SLC71A1: variants seen among roughly 807,000 people sequenced by gnomAD.
SLC71A1 encodes the protein solute carrier family 71 member 1.
At chr1:100,062,408 ACT>A in the SLC71A1 span, among the ~76,000 whole-genome samples, 2 of 152,080 alleles carry the variant, frequency 1.3e-5, no homozygotes, top group Non-Finnish European at 2.9e-5. Flanking sequence ...ATGTTTATAA[ACT>A]CTTTAAAAAT....
the SLC71A1 span, chr1:100,069,705 T>A: frequency 1.3e-6 from 2 of 1,524,792 alleles, no homozygotes. Flanking sequence ...TTTTTTTAGT[T>A]AGAGTGATGT....
At chr1:100,068,130 C>T in the SLC71A1 span, 9 of 1,614,018 alleles carry the variant, frequency 5.6e-6, no homozygotes, top group Admixed American at 3.3e-5. Context: ...AGAGTCGTTG[C>T]CTGAGAAAAT....
chr1:100,039,207 A>G, the SLC71A1 span, among the ~76,000 whole-genome samples: 2 of 152,240 alleles, frequency 1.3e-5, no homozygotes, highest in Non-Finnish European at 2.9e-5. Context: ...TCTTTGTTGC[A>G]TCCGCTGATA....
the SLC71A1 span, chr1:100,050,128 C>T: frequency 1.7e-6 from 1 of 577,242 alleles, no homozygotes; most frequent in Non-Finnish European, 3.1e-6. Flanking sequence ...TCAGTATTCA[C>T]CAGTATTTTA....
chr1:100,081,493 C>T, the SLC71A1 span, among the ~76,000 whole-genome samples: 1 of 152,144 alleles, frequency 6.6e-6, no homozygotes, highest in Non-Finnish European at 1.5e-5. Flanking sequence ...TAACATCAGC[C>T]TCCCGGGTAG....
At chr1:100,057,678 G>A in the SLC71A1 span, among the ~76,000 whole-genome samples, 2 of 152,042 alleles carry the variant, frequency 1.3e-5, no homozygotes, top group Non-Finnish European at 2.9e-5. Context: ...TACTTACAAT[G>A]AGCACATTTT....
chr1:100,080,567 A>T, the SLC71A1 span: 1 of 1,614,030 alleles, frequency 6.2e-7, no homozygotes, highest in Non-Finnish European at 8.5e-7. Flanking sequence ...CTATGGATTC[A>T]TTTTCTACAT....
chr1:100,062,137 C>A, the SLC71A1 span: 1 of 475,382 alleles, frequency 2.1e-6, no homozygotes, highest in Non-Finnish European at 3.7e-6. Context: ...AGTTTTGATT[C>A]TTTTCATTTA....
chr1:100,051,108 A>C, the SLC71A1 span, among the ~76,000 whole-genome samples: 2 of 151,132 alleles, frequency 1.3e-5, no homozygotes, highest in Non-Finnish European at 3.0e-5. Context: ...CAAAAAAAAA[A>C]ACAGCCGGGC....
the SLC71A1 span, among the ~76,000 whole-genome samples, chr1:100,047,621 C>T: frequency 6.6e-6 from 1 of 152,120 alleles, no homozygotes; most frequent in Non-Finnish European, 1.5e-5. Flanking sequence ...GGGGTTTCTT[C>T]ATGTTGGTCA....
chr1:100,071,439 C>A, the SLC71A1 span, among the ~76,000 whole-genome samples: 4 of 152,020 alleles, frequency 2.6e-5, no homozygotes, highest in South Asian at 8.3e-4. Context: ...CCATGGTACT[C>A]CAGTATGGGC....
At chr1:100,067,912 G>T in the SLC71A1 span, 1 of 1,180,650 alleles carries the variant, frequency 8.5e-7, no homozygotes, top group Non-Finnish European at 1.3e-6. Flanking sequence ...ATTATGAAAG[G>T]AGTTATGTGG....
chr1:100,072,419 G>A, the SLC71A1 span, among the ~76,000 whole-genome samples: 5 of 152,124 alleles, frequency 3.3e-5, no homozygotes, highest in Non-Finnish European at 5.9e-5. Context: ...ATACAGTGTA[G>A]TAGAGATTTT....
At chr1:100,074,468 A>G in the SLC71A1 span, among the ~76,000 whole-genome samples, 1 of 151,884 alleles carries the variant, frequency 6.6e-6, no homozygotes, top group Non-Finnish European at 1.5e-5. Flanking sequence ...AATCCCAGCT[A>G]CTCGGGAGGC....
At chr1:100,042,726 G>T in the SLC71A1 span, among the ~76,000 whole-genome samples, 1 of 152,056 alleles carries the variant, frequency 6.6e-6, no homozygotes, top group South Asian at 2.1e-4. Context: ...TCCTACCTTA[G>T]CCTCCTGAAT....
chr1:100,060,696 T>C, the SLC71A1 span, among the ~76,000 whole-genome samples: 1 of 151,954 alleles, frequency 6.6e-6, no homozygotes, highest in East Asian at 1.9e-4. Flanking sequence ...TTCAGGGATA[T>C]GCTGCTCCTA....
the SLC71A1 span, chr1:100,080,373 A>G: frequency 4.1e-6 from 3 of 737,944 alleles, no homozygotes; most frequent in South Asian, 3.7e-5. Context: ...ACATTGCTAT[A>G]AATTGCTAGT....
chr1:100,059,148 T>G, the SLC71A1 span, among the ~76,000 whole-genome samples: 2 of 114,038 alleles, frequency 1.8e-5, no homozygotes, highest in South Asian at 3.0e-4. Flanking sequence ...TTTCGTGTTT[T>G]TTTTTTTTTT....
At chr1:100,075,017 G>T in the SLC71A1 span, among the ~76,000 whole-genome samples, 1 of 152,220 alleles carries the variant, frequency 6.6e-6, no homozygotes, top group South Asian at 2.1e-4. Context: ...TCCACAAAGG[G>T]GAAGATAGTC....
Sources: allele counts gnomAD v4.1 joint callset (sites outside exome capture counted in the v4.1 genomes callset), GRCh38; gene constraint gnomAD v4.1.1; transcripts MANE v1.5; gene names NCBI Gene and HGNC (gene_info 2026-07-23, HGNC 2026-07-21).